PCDH7: variants seen among roughly 807,000 people sequenced by gnomAD.
PCDH7 encodes the protein protocadherin 7.
Under a neutral mutation model 58.9 loss-of-function variants are expected in PCDH7, and 17 were observed. The observed-to-expected ratio is 0.29, with a 90% CI of 0.20 to 0.43. The LOEUF (loss-of-function observed/expected upper bound fraction) is 0.43, where lower values mean the gene tolerates loss of function less well. PCDH7 is among the 20% of genes least tolerant of loss of function. The pLI, the probability that PCDH7 is intolerant of heterozygous loss-of-function variation, is 1.00. For synonymous variants in PCDH7, 664 were observed against 616.4 expected (o/e 1.08, Z -1.14); for missense variants, 1,274 against 1,441.0 (o/e 0.88, Z 1.88).
chr4:30,722,118 C>G lies in PCDH7; in HGVS notation c.696C>G (p.Gly232=), dbSNP rs751718397. 1.1e-5 allele frequency: 16 copies of G among 1,425,178 alleles called. No individual in the cohort carries two copies. Among genetic ancestry groups the G allele is most frequent in the South Asian group, 4.5e-5 (3 of 67,178 alleles). 88.3% of individuals were successfully genotyped at this position (1,425,178 alleles called of 1,614,324 possible). The change falls in exon 1 of 2, where the codon GGC becomes GGG. Residue 232 remains glycine, a synonymous_variant. Transcript: ENST00000361762. The surrounding 1 kb of genome is among the most constrained non-coding windows in gnomAD (Gnocchi z 7.6). The stretch of plus-strand genomic sequence containing the variant: ...GGCGGCTGGACGCATCAGAGGGCGG[C>G]GGCGGCACCAACCCCGGCGGCCGCA...
intron 3 of PCDH7, among the ~76,000 whole-genome samples, chr4:31,056,445 A>AAGGAAG (rs1206822684): frequency 3.8e-5 from 2 of 52,246 alleles, no homozygotes; most frequent in African/African-American, 2.2e-4. Context: ...AAAGAAGGAA[A>AAGGAAG]GAAAGAAAGA....
intron 1 of PCDH7, among the ~76,000 whole-genome samples, chr4:30,819,953 G>C (rs772568775): frequency 2.6e-5 from 4 of 151,156 alleles, no homozygotes; most frequent in Middle Eastern, 3.4e-3. Context: ...GCCTTGTAAG[G>C]GTGCTCTAAA....
chr4:31,065,828 T>C (rs1758036848), intron 3 of PCDH7, among the ~76,000 whole-genome samples: 1 of 151,958 alleles, frequency 6.6e-6, no homozygotes, highest in South Asian at 2.1e-4. Flanking sequence ...CTCTTGTGTC[T>C]CTGGAATCTT....
chr4:30,920,673 A>G (rs1743081013), intron 2 of PCDH7, among the ~76,000 whole-genome samples: 1 of 152,184 alleles, frequency 6.6e-6, no homozygotes, highest in Non-Finnish European at 1.5e-5. Flanking sequence ...AACAATAGTC[A>G]CCAAGAAAGG....
At chr4:30,945,541 T>A (rs1746568318) in intron 2 of PCDH7, among the ~76,000 whole-genome samples, 3 of 152,138 alleles carry the variant, frequency 2.0e-5, no homozygotes, top group African/African-American at 7.2e-5. Context: ...CATTTATAAT[T>A]CTTACTAATT....
intron 3 of PCDH7, among the ~76,000 whole-genome samples, chr4:30,957,072 A>T (rs1747938254): frequency 6.6e-6 from 1 of 152,140 alleles, no homozygotes; most frequent in South Asian, 2.1e-4. Context: ...ACTTAAAATC[A>T]GCAGCTGCGT....
At chr4:31,029,983 G>A (rs1754760040) in intron 3 of PCDH7, among the ~76,000 whole-genome samples, 2 of 152,126 alleles carry the variant, frequency 1.3e-5, no homozygotes, top group South Asian at 4.1e-4. Flanking sequence ...AACAAGTCTT[G>A]AAGAAAAGCT....
chr4:30,972,377 G>A (rs1276586030), intron 3 of PCDH7, among the ~76,000 whole-genome samples: 1 of 151,958 alleles, frequency 6.6e-6, no homozygotes, highest in Admixed American at 6.6e-5. Flanking sequence ...TTCTTCTAAA[G>A]GATTTTCCAA....
intron 3 of PCDH7, among the ~76,000 whole-genome samples, chr4:31,069,850 A>G (rs1758396510): frequency 6.6e-6 from 1 of 151,618 alleles, no homozygotes; most frequent in South Asian, 2.1e-4. Flanking sequence ...TTTTATATAT[A>G]AATTAATCTC....
intron 1 of PCDH7, among the ~76,000 whole-genome samples, chr4:30,893,693 T>C (rs115046848): frequency 0.028 from 4,217 of 152,228 alleles, 191 homozygotes; most frequent in African/African-American, 0.094. Flanking sequence ...ACTGTGTTTC[T>C]AGGTAAATCC....
intron 2 of PCDH7, among the ~76,000 whole-genome samples, chr4:30,940,346 A>G (rs1745879374): frequency 1.3e-5 from 2 of 152,008 alleles, no homozygotes; most frequent in Non-Finnish European, 2.9e-5. Flanking sequence ...TAAATTTTAT[A>G]AAATGGTAAT....
At chr4:30,769,761 C>T (rs1447677653) in intron 1 of PCDH7, among the ~76,000 whole-genome samples, 1 of 152,088 alleles carries the variant, frequency 6.6e-6, no homozygotes, top group East Asian at 1.9e-4. Context: ...TTACATAATT[C>T]TTTAAGCTAA....
At chr4:30,902,350 T>G (rs2109395698) in intron 1 of PCDH7, among the ~76,000 whole-genome samples, 1 of 152,238 alleles carries the variant, frequency 6.6e-6, no homozygotes, top group Admixed American at 6.5e-5. Context: ...ATGTCATCCC[T>G]AGTTAATTCA....
chr4:30,886,922 A>G (rs1004012122), intron 1 of PCDH7, among the ~76,000 whole-genome samples: 2 of 140,288 alleles, frequency 1.4e-5, no homozygotes, highest in Non-Finnish European at 3.0e-5. Flanking sequence ...GAATTGAACA[A>G]TGAGATCACA....
chr4:30,765,788 T>C (rs1431627264), intron 1 of PCDH7, among the ~76,000 whole-genome samples: 9 of 152,228 alleles, frequency 5.9e-5, no homozygotes, highest in South Asian at 2.1e-4. Context: ...GCTGAGAGAA[T>C]TGAAGAAGGC....
chr4:31,067,811 T>C (rs1039791334), intron 3 of PCDH7, among the ~76,000 whole-genome samples: 5 of 151,952 alleles, frequency 3.3e-5, no homozygotes, highest in South Asian at 2.1e-4. Flanking sequence ...TAAGATATCA[T>C]AGAAAATTGT....
chr4:30,740,790 A>G lies in PCDH7; in HGVS notation c.70+16194A>G, dbSNP rs1044360678. ...TTAGTTGTTCGTTATTAAATAGTCA[A>G]TTAAAATATGACCTATGTCATCTAA... On this transcript the variant is annotated intron_variant, in intron 1 of 3. Transcript: ENST00000509759. Among the ~76,000 whole-genome samples the G allele has an allele frequency of 1.7e-4, 26 of 152,286 alleles. 1 individual carries two copies. The South Asian group carries it at 3.7e-3, about 22-fold the overall frequency.
At chr4:30,770,040 T>A (rs1369408798) in intron 1 of PCDH7, among the ~76,000 whole-genome samples, 1 of 152,258 alleles carries the variant, frequency 6.6e-6, no homozygotes, top group Non-Finnish European at 1.5e-5. Flanking sequence ...AAAACACCCA[T>A]TGAATTTATT....
chr4:30,734,555 A>G (rs1715973506), downstream of PCDH7, among the ~76,000 whole-genome samples: 1 of 152,176 alleles, frequency 6.6e-6, no homozygotes. Flanking sequence ...TATCTTTAAT[A>G]CACACTGAAA....
Sources: gnomAD v4.1 joint callset for allele counts (sites outside exome capture counted in the v4.1 genomes callset) on GRCh38, gnomAD v4.1.1 for gene constraint, Gnocchi (gnomAD v3.1) non-coding constraint, MANE v1.5 for transcripts, NCBI Gene and HGNC (gene_info 2026-07-23, HGNC 2026-07-21) for gene names.